FRMPD1: variants seen among roughly 807,000 people sequenced by gnomAD.
FRMPD1 encodes the protein FERM and PDZ domain-containing protein 1.
Under a neutral mutation model 117.8 loss-of-function variants are expected in FRMPD1, and 76 were observed. The ratio of observed to expected loss-of-function variants is 0.65; its 90% CI spans 0.54 to 0.78. The LOEUF (loss-of-function observed/expected upper bound fraction) is 0.78. Ranked by LOEUF, FRMPD1 falls within the 30% of genes least tolerant of loss-of-function variation. The pLI, the probability that FRMPD1 is intolerant of heterozygous loss-of-function variation, is 0.00. For synonymous variants in FRMPD1, 783 were observed against 770.4 expected (o/e 1.02, Z -0.27); for missense variants, 1,786 against 1,964.5 (o/e 0.91, Z 1.72).
intron 1 of FRMPD1, chr9:37,668,567 A>C (rs1383108306): frequency 6.6e-6 from 1 of 152,278 alleles, no homozygotes. Context: ...CTTTCCGAGG[A>C]AGAGTCCCTT....
At chr9:37,689,428 A>G (rs1344178749) in intron 1 of FRMPD1, among the ~76,000 whole-genome samples, 1 of 152,066 alleles carries the variant, frequency 6.6e-6, no homozygotes, top group Non-Finnish European at 1.5e-5. Flanking sequence ...TAATTCTCCC[A>G]TACCCTCCAA....
At chr9:37,648,093 C>A (rs928931319), upstream of FRMPD1, among the ~76,000 whole-genome samples, 1 of 152,042 alleles carries the variant, frequency 6.6e-6, no homozygotes. Flanking sequence ...AATGCTGTTT[C>A]GTCTCCAGGA....
intron 2 of FRMPD1, among the ~76,000 whole-genome samples, chr9:37,707,073 G>A (rs1822733873): frequency 1.3e-5 from 2 of 152,138 alleles, no homozygotes; most frequent in Admixed American, 1.3e-4. Context: ...TCAGAGTGCA[G>A]CTCAAATGCC....
At chr9:37,701,471 T>TTGTG (rs200016680) in intron 2 of FRMPD1, among the ~76,000 whole-genome samples, 2 of 123,602 alleles carry the variant, frequency 1.6e-5, no homozygotes, top group Admixed American at 8.2e-5. Flanking sequence ...GTTGGGGAAA[T>TTGTG]TGTGTGTGTG....
intron 8 of FRMPD1, 44 bp downstream of exon 8, chr9:37,729,897 C>A: frequency 1.3e-6 from 2 of 1,599,208 alleles, no homozygotes; most frequent in African/African-American, 1.3e-5. Context: ...ATGGGCTGGG[C>A]TGGCTGCATA....
the FRMPD1 span, among the ~76,000 whole-genome samples, chr9:37,643,970 G>T: frequency 6.6e-6 from 1 of 152,182 alleles, no homozygotes; most frequent in Non-Finnish European, 1.5e-5. Context: ...CTGGTGGAGA[G>T]GATTAATAGG....
the FRMPD1 span, among the ~76,000 whole-genome samples, chr9:37,616,117 C>CT: frequency 0.15 from 14,378 of 96,796 alleles, 1,572 homozygotes; most frequent in East Asian, 0.41. Flanking sequence ...GTGCCCAGCC[C>CT]TTTTTTTTTT....
At chr9:37,699,852 C>CA (rs1822470936) in intron 2 of FRMPD1, among the ~76,000 whole-genome samples, 1 of 152,142 alleles carries the variant, frequency 6.6e-6, no homozygotes, top group Non-Finnish European at 1.5e-5. Flanking sequence ...CATGTGTACA[C>CA]ACCCATGCAT....
chr9:37,697,846 G>A (rs1295265078), intron 2 of FRMPD1, among the ~76,000 whole-genome samples: 1 of 152,226 alleles, frequency 6.6e-6, no homozygotes, highest in African/African-American at 2.4e-5. Flanking sequence ...GCTGGGCGTG[G>A]TGGCTCACGC....
At chr9:37,673,924 CTG>C (rs1821439504) in intron 1 of FRMPD1, among the ~76,000 whole-genome samples, 1 of 152,242 alleles carries the variant, frequency 6.6e-6, no homozygotes, top group Admixed American at 6.5e-5. Flanking sequence ...TCCTGAGCCT[CTG>C]TGCCTGTGAT....
chr9:37,650,874 A>AGCCTCAGCACCTGCCGCC (rs1181335359), upstream of FRMPD1: 3 of 148,004 alleles, frequency 2.0e-5, no homozygotes, highest in Non-Finnish European at 4.5e-5. Context: ...GCGCAGCTGC[A>AGCCTCAGCACCTGCCGCC]GCCTCAGCAC....
chr9:37,691,215 T>C (rs955443913), intron 1 of FRMPD1, among the ~76,000 whole-genome samples: 5 of 152,198 alleles, frequency 3.3e-5, no homozygotes, highest in Non-Finnish European at 7.3e-5. Context: ...AAGCTTCTCT[T>C]GTTCGTTTTC....
intron 1 of FRMPD1, among the ~76,000 whole-genome samples, chr9:37,668,990 C>T (rs200275669): frequency 7.2e-5 from 11 of 152,250 alleles, no homozygotes; most frequent in South Asian, 2.1e-4. Context: ...GAGACTTTCA[C>T]GTTGAATAAA....
At chr9:37,655,030 A>G (rs1424876407) in intron 1 of FRMPD1, among the ~76,000 whole-genome samples, 1 of 152,160 alleles carries the variant, frequency 6.6e-6, no homozygotes. Context: ...AAGGGAAAGC[A>G]AGAGTGGAGC....
chr9:37,605,375 C>G, the FRMPD1 span, among the ~76,000 whole-genome samples: 1 of 152,190 alleles, frequency 6.6e-6, no homozygotes, highest in Non-Finnish European at 1.5e-5. Flanking sequence ...AGGACTCCCC[C>G]TTACTGCATT....
chr9:37,737,093 A>T lies in FRMPD1; in HGVS notation c.1402-3A>T. ...AACATGAGATTTCTATTTGCTTTCA[A>T]AGGTTCTGACTTTGCTGCTGGAATC... is the stretch of plus-strand genomic sequence containing the variant. On this transcript the variant is annotated splice_polypyrimidine_tract_variant and splice_region_variant and intron_variant, in intron 13 of 15. Transcript: ENST00000377765. 1 of 1,610,384 alleles carries T rather than the reference A, an allele frequency of 6.2e-7. No individual in the cohort carries two copies. The highest frequency in any genetic ancestry group is 8.5e-7 in the Non-Finnish European group (1 of 1,177,020).
chr9:37,619,101 C>T, the FRMPD1 span, among the ~76,000 whole-genome samples: 1 of 152,334 alleles, frequency 6.6e-6, no homozygotes, highest in East Asian at 1.9e-4. Context: ...TGTAAACCGA[C>T]ATGCCATAAG....
chr9:37,605,866 C>G, the FRMPD1 span, among the ~76,000 whole-genome samples: 2 of 152,040 alleles, frequency 1.3e-5, no homozygotes, highest in Admixed American at 6.6e-5. Flanking sequence ...AGGTTCATGC[C>G]TGGGTAGTTT....
At chr9:37,636,515 A>C in the FRMPD1 span, among the ~76,000 whole-genome samples, 1 of 152,156 alleles carries the variant, frequency 6.6e-6, no homozygotes. Flanking sequence ...GGACCCTGAC[A>C]GAATAGCGGC....
Sources: allele counts gnomAD v4.1 joint callset (sites outside exome capture counted in the v4.1 genomes callset), GRCh38; gene constraint gnomAD v4.1.1; transcripts MANE v1.5; gene names NCBI Gene and HGNC (gene_info 2026-07-23, HGNC 2026-07-21).